The following MOB3B variants were observed in gnomAD, a reference collection of about 807,000 sequenced individuals.
The protein encoded by MOB3B is MOB kinase activator-like 2B.
Under a neutral mutation model 18.7 loss-of-function variants are expected in MOB3B, and 7 were observed. The observed-to-expected ratio is 0.37, with a 90% CI of 0.21 to 0.70. The LOEUF is 0.70. MOB3B is among the 30% of genes least tolerant of loss of function. The pLI is 0.52. For missense variants in MOB3B, 253 were observed against 281.3 expected, an observed-to-expected ratio of 0.90 and a Z score of 0.72; for synonymous variants, 111 against 99.9, an observed-to-expected ratio of 1.11 and a Z score of -0.66.
At chr9:27,411,489 G>A (rs926193830) in intron 2 of MOB3B, among the ~76,000 whole-genome samples, 2 of 152,186 alleles carry the variant, frequency 1.3e-5, no homozygotes, top group Non-Finnish European at 1.5e-5. Flanking sequence ...CATCATCAGA[G>A]CACACACTGT....
At chr9:27,481,520 G>GTTTT (rs1224985717) in intron 1 of MOB3B, among the ~76,000 whole-genome samples, 6 of 91,730 alleles carry the variant, frequency 6.5e-5, no homozygotes, top group African/African-American at 2.1e-4. Flanking sequence ...TGTTTTTTTT[G>GTTTT]TTTTTTTTTT....
chr9:27,396,068 G>C (rs1245706245), intron 2 of MOB3B, among the ~76,000 whole-genome samples: 1 of 152,034 alleles, frequency 6.6e-6, no homozygotes, highest in Non-Finnish European at 1.5e-5. Flanking sequence ...GGGTGTGGGG[G>C]AGGGCTCTAA....
At chr9:27,373,928 C>T (rs1259045219) in intron 2 of MOB3B, among the ~76,000 whole-genome samples, 2 of 152,244 alleles carry the variant, frequency 1.3e-5, no homozygotes, top group African/African-American at 4.8e-5. Context: ...AGTAAACAGG[C>T]TATATCCTAC....
chr9:27,379,944 A>G (rs1045302674), intron 2 of MOB3B, among the ~76,000 whole-genome samples: 1 of 152,190 alleles, frequency 6.6e-6, no homozygotes, highest in African/African-American at 2.4e-5. Flanking sequence ...TTGTTCGTTA[A>G]AAGTGCTTCC....
intron 2 of MOB3B, among the ~76,000 whole-genome samples, chr9:27,363,548 G>A (rs1017116174): frequency 3.3e-5 from 5 of 151,464 alleles, no homozygotes; most frequent in African/African-American, 4.8e-5. Flanking sequence ...GATTATAGGC[G>A]TGATCCACCA....
intron 3 of MOB3B, among the ~76,000 whole-genome samples, chr9:27,333,104 T>G (rs534716191): frequency 6.6e-6 from 1 of 152,250 alleles, no homozygotes; most frequent in South Asian, 2.1e-4. Flanking sequence ...ACTAGAAATA[T>G]GGCAGAGTTT....
intron 1 of MOB3B, among the ~76,000 whole-genome samples, chr9:27,504,671 G>A (rs918041101): frequency 6.6e-6 from 1 of 152,178 alleles, no homozygotes; most frequent in Non-Finnish European, 1.5e-5. Flanking sequence ...CTTAGAAGGG[G>A]TCTGGAAGCA....
rs941850875 is a variant in MOB3B, at chr9:27,423,392, A to C, written c.418+31741T>G. Among the ~76,000 whole-genome samples, 3 of 139,748 alleles carry C rather than the reference A, an allele frequency of 2.1e-5. No individual in the cohort carries two copies. In the Admixed American group the frequency reaches 2.2e-4, roughly 10 times the overall value. 91.7% of individuals were successfully genotyped at this position (139,748 alleles called of 152,430 possible). On this transcript the variant is annotated intron_variant, in intron 2 of 3. Transcript: ENST00000262244. ...CATACATGACTTTTTTTGTAATGGC[A>C]ATACTCTTTTTTTTTTTTTTTTAAC...
chr9:27,361,877 TCTC>T (rs1427085197), intron 2 of MOB3B, among the ~76,000 whole-genome samples: 2 of 152,120 alleles, frequency 1.3e-5, no homozygotes, highest in Non-Finnish European at 2.9e-5. Flanking sequence ...TGCTCCCACT[TCTC>T]CTCCCCTGGT....
intron 2 of MOB3B, among the ~76,000 whole-genome samples, chr9:27,452,530 TA>T (rs1822805295): frequency 6.6e-6 from 1 of 152,122 alleles, no homozygotes; most frequent in African/African-American, 2.4e-5. Flanking sequence ...TACAGGTTCA[TA>T]AAGAACTCAA....
intron 1 of MOB3B, among the ~76,000 whole-genome samples, chr9:27,504,706 C>T (rs1820033959): frequency 6.6e-6 from 1 of 152,340 alleles, no homozygotes; most frequent in Non-Finnish European, 1.5e-5. Context: ...CATTCAAGCA[C>T]AGGAAAAGTG....
At chr9:27,505,132 G>C (rs1282742914) in intron 1 of MOB3B, among the ~76,000 whole-genome samples, 1 of 152,158 alleles carries the variant, frequency 6.6e-6, no homozygotes, top group East Asian at 1.9e-4. Context: ...CAGGCTTTAT[G>C]GATGAGAATG....
intron 2 of MOB3B, among the ~76,000 whole-genome samples, chr9:27,389,257 CTG>C (rs1821692263): frequency 6.6e-6 from 1 of 152,116 alleles, no homozygotes; most frequent in African/African-American, 2.4e-5. Context: ...GGGCAGCAAT[CTG>C]TGTTTTCACA....
chr9:27,453,694 C>A (rs1488719394), intron 2 of MOB3B, among the ~76,000 whole-genome samples: 2 of 152,122 alleles, frequency 1.3e-5, no homozygotes, highest in African/African-American at 4.8e-5. Context: ...GGTGAAGACA[C>A]AGGGGGAAGG....
chr9:27,422,999 G>A (rs567330957), intron 2 of MOB3B, among the ~76,000 whole-genome samples: 50 of 152,292 alleles, frequency 3.3e-4, no homozygotes, highest in Non-Finnish European at 6.0e-4. Flanking sequence ...CAATAATAAT[G>A]AGCATGAAAT....
At chr9:27,369,178 G>T (rs1033958326) in intron 2 of MOB3B, among the ~76,000 whole-genome samples, 2 of 152,122 alleles carry the variant, frequency 1.3e-5, no homozygotes, top group South Asian at 2.1e-4. Context: ...CAGGAATATA[G>T]GTCTAGGACT....
chr9:27,364,955 C>T (rs1358958729), intron 2 of MOB3B, among the ~76,000 whole-genome samples: 2 of 152,050 alleles, frequency 1.3e-5, no homozygotes, highest in African/African-American at 4.8e-5. Context: ...ATCTACCTTG[C>T]ATTATTTTCT....
At chr9:27,515,165 C>A (rs150920524) in intron 1 of MOB3B, among the ~76,000 whole-genome samples, 240 of 152,346 alleles carry the variant, frequency 1.6e-3, no homozygotes, top group African/African-American at 5.5e-3. Flanking sequence ...AACATTTGAA[C>A]TGTGCCCCGA....
chr9:27,433,277 C>T (rs1258204880), intron 2 of MOB3B, among the ~76,000 whole-genome samples: 1 of 151,988 alleles, frequency 6.6e-6, no homozygotes, highest in Non-Finnish European at 1.5e-5. Context: ...TCAGAAATTA[C>T]TCCAGTCCCT....
Sources: gnomAD v4.1 joint callset for allele counts (sites outside exome capture counted in the v4.1 genomes callset) on GRCh38, gnomAD v4.1.1 for gene constraint, MANE v1.5 for transcripts, NCBI Gene and HGNC (gene_info 2026-07-23, HGNC 2026-07-21) for gene names.